TLCD3B: variants seen among roughly 807,000 people sequenced by gnomAD.
TLCD3B encodes the protein TLC domain containing 3B.
TLCD3B carries 9 observed loss-of-function variants against 23.0 expected under a neutral mutation model. The observed-to-expected ratio is 0.39, with a 90% CI of 0.24 to 0.68. The LOEUF (loss-of-function observed/expected upper bound fraction) is 0.68, where lower values mean the gene tolerates loss of function less well. TLCD3B is among the 30% of genes least tolerant of loss of function. The pLI is 0.44. For missense variants in TLCD3B, 307 were observed against 371.8 expected, an observed-to-expected ratio of 0.83 and a Z score of 1.43; for synonymous variants, 161 against 161.0, an observed-to-expected ratio of 1.00 and a Z score of 0.00.
intron 3 of TLCD3B, among the ~76,000 whole-genome samples, chr16:30,040,101 T>A (rs1274183805): frequency 7.3e-6 from 1 of 137,786 alleles, no homozygotes; most frequent in Non-Finnish European, 1.5e-5. Flanking sequence ...GCCACTGCAC[T>A]CCAATCTGGG....
chr16:30,030,426 G>A lies in TLCD3B; in HGVS notation c.102C>T (p.Ala34=), dbSNP rs368430871. ...QRLPQLRWEE[A]DAVIVSARLV... ...ACCTGGCTGAGACAATGACTGCGTC[G>A]GCCTCCTCCCAGCGTAGCTGGGGCA... The change falls in exon 1 of 5, where the codon GCC becomes GCT. Residue 34 remains alanine (A), a synonymous_variant. Transcript: ENST00000380495. 54 of 1,595,546 alleles carry A rather than the reference G, an allele frequency of 3.4e-5. No homozygotes were observed. The highest frequency in any genetic ancestry group is 4.2e-5 in the Non-Finnish European group (49 of 1,172,754).
upstream of TLCD3B, among the ~76,000 whole-genome samples, chr16:30,035,961 C>A (rs1445750444): frequency 1.1e-4 from 16 of 152,050 alleles, no homozygotes; most frequent in South Asian, 3.1e-3. Context: ...CAGGACTTTA[C>A]TGTGTTGGCC....
chr16:30,043,246 C>T (rs866085863), intron 2 of TLCD3B, among the ~76,000 whole-genome samples: 13 of 151,954 alleles, frequency 8.6e-5, no homozygotes, highest in South Asian at 6.2e-4. Flanking sequence ...ATTTTTGAGA[C>T]GGGGTCTCTC....
At chr16:30,037,386 C>CA (rs1276676859) in intron 3 of TLCD3B, among the ~76,000 whole-genome samples, 1 of 151,716 alleles carries the variant, frequency 6.6e-6, no homozygotes, top group African/African-American at 2.4e-5. Context: ...ATTAAAAATA[C>CA]AAAAAATTTA....
upstream of TLCD3B, chr16:30,033,544 C>T (rs1477416536): frequency 2.0e-5 from 3 of 152,206 alleles, no homozygotes; most frequent in Non-Finnish European, 4.4e-5. Flanking sequence ...AGCTTTGTCA[C>T]ACAGGTCATA....
At chr16:30,037,399 C>T (rs2071494411) in intron 3 of TLCD3B, among the ~76,000 whole-genome samples, 1 of 151,886 alleles carries the variant, frequency 6.6e-6, no homozygotes, top group Admixed American at 6.6e-5. Flanking sequence ...AAAATTTAGC[C>T]AGGCGCGTTG....
At chr16:30,042,763 G>A (rs1033221275) in intron 2 of TLCD3B, among the ~76,000 whole-genome samples, 1 of 151,898 alleles carries the variant, frequency 6.6e-6, no homozygotes, top group African/African-American at 2.4e-5. Flanking sequence ...GTTTTTTGTT[G>A]TTGTTATTGT....
chr16:30,039,993 G>T lies in TLCD3B; in HGVS notation c.-67+1002C>A, dbSNP rs566499061. ...TACTGAAAATACAAAAATTAGCCAGGTATGGTGGTGCACATCCGTAATCTC... is the reference window on the plus strand; with the variant it reads ...TACTGAAAATACAAAAATTAGCCAGTTATGGTGGTGCACATCCGTAATCTC... On this transcript the variant is annotated intron_variant, in intron 3 of 6. Coordinates refer to the TLCD3B transcript ENST00000561666. Among the ~76,000 whole-genome samples, 8 of 151,636 alleles carry T rather than the reference G, an allele frequency of 5.3e-5. No individual in the cohort carries two copies. In the South Asian group the frequency reaches 1.7e-3, roughly 32 times the overall value.
In TLCD3B at chr16:30,024,943, G is replaced by C. The variant is rs1009670192; in HGVS notation, c.*240C>G. The C allele has an allele frequency of 3.8e-5, 17 of 451,892 alleles. No individual in the cohort carries two copies. Among genetic ancestry groups the C allele is most frequent in the Non-Finnish European group, 5.0e-5 (13 of 258,502 alleles). 28.0% of individuals were successfully genotyped at this position (451,892 alleles called of 1,614,324 possible). Reference sequence around the variant, plus strand: ...CTCCTGCCCTCAGTGGGTGGGAGGCGGTGCCCCCTCCCCTCCTCCAGCGCA... The same window carrying C: ...CTCCTGCCCTCAGTGGGTGGGAGGCCGTGCCCCCTCCCCTCCTCCAGCGCA... On this transcript the variant is annotated 3_prime_UTR_variant, in exon 5 of 5. Coordinates refer to ENST00000380495, the MANE Select transcript of TLCD3B (RefSeq NM_031478.6).
upstream of TLCD3B, among the ~76,000 whole-genome samples, chr16:30,034,448 T>C (rs1218533494): frequency 6.9e-6 from 1 of 145,090 alleles, no homozygotes; most frequent in South Asian, 2.2e-4. Context: ...GGCTTGGTGG[T>C]GCATTGCCTG....
chr16:30,040,147 A>AATATATAT (rs1192651776), intron 3 of TLCD3B, among the ~76,000 whole-genome samples: 60 of 95,906 alleles, frequency 6.3e-4, no homozygotes, highest in South Asian at 3.1e-3. Context: ...AAAAAAAAAA[A>AATATATAT]ATATATATAT....
intron 2 of TLCD3B, among the ~76,000 whole-genome samples, chr16:30,028,680 C>A (rs551688316): frequency 3.3e-5 from 5 of 152,332 alleles, no homozygotes; most frequent in Admixed American, 3.3e-4. Context: ...GGGCACCCCC[C>A]ATCAGGGGCG....
chr16:30,030,545 G>T lies in TLCD3B; in HGVS notation c.-18C>A. ...GTCAGCATGGTGGCTCAGGACTTGG[G>T]CAGGGAGGCAGGCGGGCCGTGAAGG... On this transcript the variant is annotated 5_prime_UTR_variant, in exon 1 of 5. Transcript: ENST00000380495. 6.4e-7 allele frequency: 1 copy of T among 1,559,532 alleles called. No homozygotes were observed. Among genetic ancestry groups the T allele is most frequent in the African/African-American group, 1.4e-5 (1 of 72,804 alleles).
chr16:30,026,078 CA>C (rs979154105), intron 3 of TLCD3B, among the ~76,000 whole-genome samples: 2 of 151,808 alleles, frequency 1.3e-5, no homozygotes, highest in Non-Finnish European at 2.9e-5. Flanking sequence ...CTAAAAATAC[CA>C]AAAAAATTAG....
intron 1 of TLCD3B, chr16:30,046,540 A>G (rs2071677147): frequency 6.9e-6 from 1 of 145,460 alleles, no homozygotes; most frequent in African/African-American, 2.9e-5. Flanking sequence ...GTGCCAGAGC[A>G]TTTATTATTT....
Position 30,047,923 on chromosome 16 carries a change from C to T in TLCD3B, c.-293-1536G>A, listed in dbSNP as rs533996719. Among the ~76,000 whole-genome samples, 880 of 151,526 alleles carry T rather than the reference C, an allele frequency of 5.8e-3. 7 individuals carry two copies. Among genetic ancestry groups the T allele is most frequent in the African/African-American group, 0.02 (841 of 41,356 alleles). On this transcript the variant is annotated intron_variant, in intron 1 of 6. Transcript: ENST00000561666. ...TTGGGAGGCCAAGGCGGGTGAATTACCTGAGGTCAGAAGTTCAAGACCAGC... is the reference window on the plus strand; with the variant it reads ...TTGGGAGGCCAAGGCGGGTGAATTATCTGAGGTCAGAAGTTCAAGACCAGC...
intron 3 of TLCD3B, 50 bp downstream of exon 3, chr16:30,026,558 AC>A (rs1268874999): frequency 6.6e-7 from 1 of 1,522,264 alleles, no homozygotes; most frequent in Admixed American, 1.7e-5. Context: ...CACCAGCAGG[AC>A]CAAGGAGCAG....
Position 30,030,577 on chromosome 16 carries a change from G to A in TLCD3B, c.-50C>T, listed in dbSNP as rs530085914. On this transcript the variant is annotated 5_prime_UTR_variant, in exon 1 of 5. Coordinates refer to ENST00000380495, the MANE Select transcript of TLCD3B (RefSeq NM_031478.6). ...GGCAGGCGGGCCGTGAAGGGGCAGG[G>A]AGGCCGAGTGGAAGGAGTTAGGGGT... 1.6e-5 allele frequency: 24 copies of A among 1,519,492 alleles called. No individual in the cohort carries two copies. The African/African-American group carries it at 2.8e-4, about 18-fold the overall frequency. 94.1% of individuals were successfully genotyped at this position (1,519,492 alleles called of 1,614,324 possible). A position where few individuals can be genotyped will look rare whatever the true frequency, so the allele number is the denominator to read the frequency against.
In TLCD3B at chr16:30,048,732, G is replaced by T. The variant is rs554134727; in HGVS notation, c.-293-2345C>A. ...AGTGATTCTCCTGCCTCAGCCTCCC[G>T]AGTAGCTGAGATTACAGGCATGCAC... is the stretch of plus-strand genomic sequence containing the variant. On this transcript the variant is annotated intron_variant, in intron 1 of 6. Coordinates refer to the TLCD3B transcript ENST00000561666. Among the ~76,000 whole-genome samples the T allele has an allele frequency of 2.6e-5, 4 of 151,460 alleles. No individual in the cohort carries two copies. In the South Asian group the frequency reaches 8.3e-4, roughly 32 times the overall value.
Sources: gnomAD v4.1 joint callset for allele counts (sites outside exome capture counted in the v4.1 genomes callset) on GRCh38, gnomAD v4.1.1 for gene constraint, MANE v1.5 for transcripts, NCBI Gene and HGNC (gene_info 2026-07-23, HGNC 2026-07-21) for gene names.